CNBD1: variants seen among roughly 807,000 people sequenced by gnomAD.
The protein encoded by CNBD1 is cyclic nucleotide-binding domain-containing protein 1.
In CNBD1, 71 loss-of-function variants were observed where a neutral mutation model predicts 54.4. The observed-to-expected ratio is 1.30, with a 90% confidence interval of 1.08 to 1.59. The LOEUF is 1.59. CNBD1 is among the 40% of genes most tolerant of loss of function. The pLI is 0.00. For missense variants in CNBD1, 659 were observed against 518.0 expected (o/e 1.27, Z -2.64); for synonymous variants, 182 against 170.7 (o/e 1.07, Z -0.51).
At chr8:87,217,859 C>T (rs1814246520) in intron 5 of CNBD1, among the ~76,000 whole-genome samples, 1 of 151,940 alleles carries the variant, frequency 6.6e-6, no homozygotes, top group Admixed American at 6.6e-5. Flanking sequence ...ACCATCTGGA[C>T]TTTATATTTA....
intron 8 of CNBD1, among the ~76,000 whole-genome samples, chr8:87,341,246 C>T (rs1245021530): frequency 6.6e-6 from 1 of 152,034 alleles, no homozygotes; most frequent in African/African-American, 2.4e-5. Flanking sequence ...GAATGCTTCC[C>T]AGCTCTTTTT....
At chr8:87,048,205 C>G (rs1366475140) in intron 4 of CNBD1, among the ~76,000 whole-genome samples, 2 of 152,016 alleles carry the variant, frequency 1.3e-5, no homozygotes, top group African/African-American at 4.8e-5. Flanking sequence ...AAGGGCAGTC[C>G]TATTTCTTGG....
chr8:86,953,667 G>A (rs1807684634), intron 4 of CNBD1, among the ~76,000 whole-genome samples: 1 of 152,124 alleles, frequency 6.6e-6, no homozygotes, highest in African/African-American at 2.4e-5. Context: ...AGGAGTTCAA[G>A]ACTAGCCTGG....
intron 4 of CNBD1, among the ~76,000 whole-genome samples, chr8:87,181,093 C>G (rs992373423): frequency 1.3e-5 from 2 of 152,108 alleles, no homozygotes; most frequent in Non-Finnish European, 2.9e-5. Flanking sequence ...CCTCCCTTAC[C>G]TCCTTGATGT....
At chr8:87,312,180 A>G (rs1809280582) in intron 8 of CNBD1, among the ~76,000 whole-genome samples, 2 of 152,082 alleles carry the variant, frequency 1.3e-5, no homozygotes, top group Non-Finnish European at 2.9e-5. Context: ...TCGCAATAAA[A>G]CATATATTCC....
intron 10 of CNBD1, among the ~76,000 whole-genome samples, chr8:87,370,043 C>A (rs1359655624): frequency 4.6e-5 from 7 of 152,002 alleles, no homozygotes; most frequent in Admixed American, 2.6e-4. Context: ...CATGTCCCTA[C>A]AAAGGACATG....
intron 2 of CNBD1, among the ~76,000 whole-genome samples, chr8:86,895,166 T>C (rs143343785): frequency 0.012 from 1,775 of 152,192 alleles, 28 homozygotes; most frequent in Middle Eastern, 0.041. Context: ...TTCAAAAGCA[T>C]GAATTTTGGG....
chr8:87,422,120 CTGTT>C (rs903846674), intron 2 of CNBD1, among the ~76,000 whole-genome samples: 5 of 146,006 alleles, frequency 3.4e-5, no homozygotes, highest in Admixed American at 6.8e-5. Flanking sequence ...TTTGATGGGG[CTGTT>C]TGTTTTTTTC....
chr8:87,344,349 T>A (rs1212307486), intron 8 of CNBD1, among the ~76,000 whole-genome samples: 1 of 151,580 alleles, frequency 6.6e-6, no homozygotes, highest in Non-Finnish European at 1.5e-5. Context: ...TAAGAAGGAG[T>A]TTACAAAGTC....
intron 8 of CNBD1, among the ~76,000 whole-genome samples, chr8:87,287,619 A>G (rs1018287968): frequency 2.0e-5 from 3 of 152,316 alleles, no homozygotes; most frequent in Non-Finnish European, 2.9e-5. Context: ...TAATAAAAAC[A>G]TGGCAGACTA....
intron 5 of CNBD1, among the ~76,000 whole-genome samples, chr8:87,216,837 G>T (rs1814222034): frequency 6.6e-6 from 1 of 152,138 alleles, no homozygotes; most frequent in Non-Finnish European, 1.5e-5. Flanking sequence ...TCATCAAAGA[G>T]CCTTCACTAG....
chr8:87,123,984 T>A (rs1224367386), intron 4 of CNBD1, among the ~76,000 whole-genome samples: 1 of 151,632 alleles, frequency 6.6e-6, no homozygotes, highest in African/African-American at 2.4e-5. Context: ...GAATCAGTAA[T>A]AAGAATTCTT....
At chr8:86,920,491 G>T (rs1181163046) in intron 3 of CNBD1, among the ~76,000 whole-genome samples, 2 of 152,116 alleles carry the variant, frequency 1.3e-5, no homozygotes, top group Non-Finnish European at 2.9e-5. Context: ...CACCAACACA[G>T]AACTTAATAA....
At chr8:87,035,052 T>A (rs545541457) in intron 4 of CNBD1, among the ~76,000 whole-genome samples, 85 of 152,344 alleles carry the variant, frequency 5.6e-4, no homozygotes, top group South Asian at 1.7e-3. Context: ...GGAGTTGTCA[T>A]AATTTTTAAC....
intron 6 of CNBD1, among the ~76,000 whole-genome samples, chr8:87,281,477 T>A (rs192611874): frequency 2.0e-3 from 299 of 147,508 alleles, no homozygotes; most frequent in Middle Eastern, 6.9e-3. Flanking sequence ...GTTCATTTTT[T>A]AAAAAACGAT....
chr8:87,419,882 T>C (rs1807899197), intron 2 of CNBD1, among the ~76,000 whole-genome samples: 1 of 150,990 alleles, frequency 6.6e-6, no homozygotes, highest in Admixed American at 6.6e-5. Flanking sequence ...CATGGTAAAC[T>C]TTATATTGAA....
chr8:87,056,965 G>A (rs778070826), intron 4 of CNBD1, among the ~76,000 whole-genome samples: 2 of 152,156 alleles, frequency 1.3e-5, no homozygotes, highest in Non-Finnish European at 2.9e-5. Flanking sequence ...TCCTCCCTTT[G>A]TGTGTGGATG....
At chr8:87,197,868 C>T (rs1374601770) in intron 4 of CNBD1, among the ~76,000 whole-genome samples, 1 of 152,104 alleles carries the variant, frequency 6.6e-6, no homozygotes, top group Non-Finnish European at 1.5e-5. Context: ...ACTTCCCTAA[C>T]CCCTTGTCAT....
At chr8:87,300,963 A>G (rs1198485972) in intron 8 of CNBD1, among the ~76,000 whole-genome samples, 1 of 152,130 alleles carries the variant, frequency 6.6e-6, no homozygotes, top group Non-Finnish European at 1.5e-5. Context: ...ATGATTAACC[A>G]AGAAAAGAAG....
Sources: allele counts gnomAD v4.1 joint callset (sites outside exome capture counted in the v4.1 genomes callset), GRCh38; gene constraint gnomAD v4.1.1; transcripts MANE v1.5; gene names NCBI Gene and HGNC (gene_info 2026-07-23, HGNC 2026-07-21).